GAP43: variants seen among roughly 807,000 people sequenced by gnomAD.
The protein encoded by GAP43 is neuromodulin.
In GAP43, 6 loss-of-function variants were observed where a neutral mutation model predicts 18.6. The ratio of observed to expected loss-of-function variants is 0.32; its 90% CI spans 0.18 to 0.64. GAP43 has a LOEUF of 0.64. Ranked by LOEUF, GAP43 falls within the 30% of genes least tolerant of loss-of-function variation. The pLI is 0.78. For synonymous variants in GAP43, 115 were observed against 111.4 expected (o/e 1.03, Z -0.20); for missense variants, 292 against 295.5 (o/e 0.99, Z 0.09).
chr3:115,631,002 C>T (rs1708254736), intron 1 of GAP43, among the ~76,000 whole-genome samples: 1 of 152,178 alleles, frequency 6.6e-6, no homozygotes, highest in African/African-American at 2.4e-5. Context: ...ACGACCATTT[C>T]TGATTACTTA....
At chr3:115,682,728 G>A (rs1259906418) in intron 2 of GAP43, among the ~76,000 whole-genome samples, 1 of 152,102 alleles carries the variant, frequency 6.6e-6, no homozygotes, top group Non-Finnish European at 1.5e-5. Flanking sequence ...GTAAAGACGG[G>A]ATTTTACCAT....
At position 115,716,719 on chromosome 3, in the gene GAP43, TATATA is replaced by T. The variant is rs1559809060; in HGVS notation, c.629-4074_629-4070del. Among the ~76,000 whole-genome samples the T allele has an allele frequency of 2.1e-3, 22 of 10,422 alleles. 1 individual carries two copies. The highest frequency in any genetic ancestry group is 6.0e-3 in the Admixed American group (5 of 828). The allele number at this position is 10,422 out of a possible 152,430, so 6.8% of individuals were successfully genotyped here. A position where few individuals can be genotyped will look rare whatever the true frequency, so the allele number is the denominator to read the frequency against. On this transcript the variant is annotated intron_variant, in intron 2 of 2. Transcript: ENST00000305124. The stretch of plus-strand genomic sequence containing the variant: ...AAAAATTACTTTAATCTCAGACAAA[TATATA>T]TATATATATATATATATATATATAT...
chr3:115,645,180 G>A (rs1393303598), intron 1 of GAP43, among the ~76,000 whole-genome samples: 1 of 151,930 alleles, frequency 6.6e-6, no homozygotes, highest in South Asian at 2.1e-4. Flanking sequence ...ATAAATTAAA[G>A]GATATAGGGT....
intron 1 of GAP43, chr3:115,663,386 A>G (rs1382615684): frequency 7.3e-6 from 2 of 273,770 alleles, no homozygotes; most frequent in Non-Finnish European, 1.1e-5. Context: ...AAGAATGCAT[A>G]AGGTTGACTC....
chr3:115,662,519 G>A (rs1708676014), intron 1 of GAP43, among the ~76,000 whole-genome samples: 1 of 152,142 alleles, frequency 6.6e-6, no homozygotes. Context: ...GAGAGAGTTG[G>A]CTACTGGATT....
chr3:115,646,781 C>A (rs929425366), intron 1 of GAP43, among the ~76,000 whole-genome samples: 1 of 151,906 alleles, frequency 6.6e-6, no homozygotes, highest in Admixed American at 6.6e-5. Context: ...GACTCATTTG[C>A]GATTTGGTAC....
At chr3:115,702,693 G>A (rs1306567264) in intron 2 of GAP43, among the ~76,000 whole-genome samples, 1 of 152,012 alleles carries the variant, frequency 6.6e-6, no homozygotes, top group African/African-American at 2.4e-5. Context: ...TGCAATCAGG[G>A]GAAGTCCAGT....
intron 1 of GAP43, among the ~76,000 whole-genome samples, chr3:115,641,679 T>C (rs1248870086): frequency 6.6e-6 from 1 of 151,968 alleles, no homozygotes; most frequent in Non-Finnish European, 1.5e-5. Flanking sequence ...TTATTCAAGC[T>C]CCCAAGGAAA....
intron 1 of GAP43, among the ~76,000 whole-genome samples, chr3:115,652,563 T>G (rs11708963): frequency 1.3e-5 from 2 of 151,962 alleles, no homozygotes; most frequent in East Asian, 3.9e-4. Context: ...TTTTAAAAAC[T>G]TTTTTGTAGA....
chr3:115,678,388 T>G (rs1272129117), intron 2 of GAP43, among the ~76,000 whole-genome samples: 1 of 152,134 alleles, frequency 6.6e-6, no homozygotes, highest in African/African-American at 2.4e-5. Flanking sequence ...TGCTTATGAT[T>G]TGGGTTGATA....
intron 2 of GAP43, among the ~76,000 whole-genome samples, chr3:115,704,537 A>G (rs1255784693): frequency 1.3e-5 from 2 of 152,160 alleles, no homozygotes; most frequent in Non-Finnish European, 2.9e-5. Flanking sequence ...ATCCTCAGCC[A>G]TGATTCTGCA....
At chr3:115,713,529 C>T (rs1485408596) in intron 2 of GAP43, among the ~76,000 whole-genome samples, 1 of 152,248 alleles carries the variant, frequency 6.6e-6, no homozygotes. Flanking sequence ...TGCAACCAGG[C>T]TGCCTGGCTG....
chr3:115,633,860 A>G (rs1708295406), intron 1 of GAP43, among the ~76,000 whole-genome samples: 1 of 152,200 alleles, frequency 6.6e-6, no homozygotes, highest in African/African-American at 2.4e-5. Flanking sequence ...AAAAGATTGG[A>G]CAATAATGGG....
intron 1 of GAP43, chr3:115,663,972 T>C (rs1708699868): frequency 6.7e-7 from 1 of 1,498,096 alleles, no homozygotes; most frequent in Admixed American, 2.0e-5. Context: ...ACCCTGACTC[T>C]GCCACTTACT....
At chr3:115,686,032 G>C (rs1468666403) in intron 2 of GAP43, among the ~76,000 whole-genome samples, 1 of 152,136 alleles carries the variant, frequency 6.6e-6, no homozygotes, top group Non-Finnish European at 1.5e-5. Flanking sequence ...TGTAGTTTTT[G>C]CCAATTTCTA....
chr3:115,653,316 C>T (rs1708543976), intron 1 of GAP43, among the ~76,000 whole-genome samples: 1 of 152,026 alleles, frequency 6.6e-6, no homozygotes, highest in African/African-American at 2.4e-5. Context: ...GTGGCGCATG[C>T]CTGTAATCCC....
intron 2 of GAP43, among the ~76,000 whole-genome samples, chr3:115,691,512 T>C (rs945359373): frequency 2.6e-5 from 4 of 152,242 alleles, no homozygotes; most frequent in Admixed American, 2.0e-4. Context: ...ATTATGGTAT[T>C]TTATTGAACA....
rs1559804310 is a variant in GAP43 at position 115,698,148 on chromosome 3, T to TATATATTATATATAA, written c.628+21538_628+21539insATATATTATATATAA. Among the ~76,000 whole-genome samples the TATATATTATATATAA allele has an allele frequency of 4.9e-4, 3 of 6,180 alleles. No individual in the cohort carries two copies. The South Asian group carries it at 0.017, about 36-fold the overall frequency. The allele number at this position is 6,180 out of a possible 152,430, so 4.1% of individuals were successfully genotyped here. On this transcript the variant is annotated intron_variant, in intron 2 of 2. Transcript: ENST00000305124. ...TTATATATAATATATATAATATATA[T>TATATATTATATATAA]TATATATAATATATAAAATATATTA... is the stretch of plus-strand genomic sequence containing the variant.
In GAP43 at chr3:115,714,128, G is replaced by A. The variant is rs370921697; in HGVS notation, c.629-6666G>A. On this transcript the variant is annotated intron_variant, in intron 2 of 2. Coordinates refer to ENST00000305124, the MANE Select transcript of GAP43 (RefSeq NM_002045.4). ...GTCACCACTGCTATACTTGCAGTTC[G>A]TGGAACAGTGTATGGACATAGTAAG... is the stretch of plus-strand genomic sequence containing the variant. Among the ~76,000 whole-genome samples, 45 of 152,274 alleles carry A rather than the reference G, an allele frequency of 3.0e-4. No homozygotes were observed. The East Asian group carries it at 7.1e-3, about 24-fold the overall frequency.
Sources: allele counts gnomAD v4.1 joint callset (sites outside exome capture counted in the v4.1 genomes callset), GRCh38; gene constraint gnomAD v4.1.1; transcripts MANE v1.5; gene names NCBI Gene and HGNC (gene_info 2026-07-23, HGNC 2026-07-21).